ADAMTS17: variants seen among roughly 807,000 people sequenced by gnomAD.
The protein encoded by ADAMTS17 is A disintegrin and metalloproteinase with thrombospondin motifs 17.
Under a neutral mutation model 141.5 loss-of-function variants are expected in ADAMTS17, and 113 were observed. The ratio of observed to expected loss-of-function variants is 0.80; its 90% CI spans 0.69 to 0.93. ADAMTS17 has a LOEUF of 0.93. Ranked by LOEUF, ADAMTS17 falls within the 40% of genes least tolerant of loss-of-function variation. The pLI, the probability that ADAMTS17 is intolerant of heterozygous loss-of-function variation, is 0.00. For synonymous variants in ADAMTS17, 768 were observed against 630.6 expected (o/e 1.22, Z -3.27); for missense variants, 1,659 against 1,517.9 (o/e 1.09, Z -1.54).
chr15:100,249,913 G>C (rs971098621), intron 7 of ADAMTS17, among the ~76,000 whole-genome samples: 2 of 152,200 alleles, frequency 1.3e-5, no homozygotes, highest in African/African-American at 2.4e-5. Flanking sequence ...GTGGGGGTTA[G>C]GCCATAAGGA....
chr15:100,278,453 AGG>A (rs1207336309), intron 4 of ADAMTS17, among the ~76,000 whole-genome samples: 1 of 152,190 alleles, frequency 6.6e-6, no homozygotes, highest in African/African-American at 2.4e-5. Flanking sequence ...ATGCCCACTG[AGG>A]CCACGTCGGA....
At chr15:100,075,687 T>C (rs2034323017) in intron 15 of ADAMTS17, among the ~76,000 whole-genome samples, 1 of 152,260 alleles carries the variant, frequency 6.6e-6, no homozygotes, top group Non-Finnish European at 1.5e-5. Flanking sequence ...TGTACACATA[T>C]CTTTTTTCTG....
intron 8 of ADAMTS17, among the ~76,000 whole-genome samples, chr15:100,160,291 A>T (rs2039631985): frequency 6.6e-6 from 1 of 152,188 alleles, no homozygotes; most frequent in East Asian, 1.9e-4. Flanking sequence ...ATGGAGGATC[A>T]ACACATGAAT....
chr15:100,282,108 C>T (rs28489244), intron 3 of ADAMTS17, among the ~76,000 whole-genome samples: 3 of 152,166 alleles, frequency 2.0e-5, no homozygotes, highest in African/African-American at 7.2e-5. Context: ...AGAGCCCACA[C>T]CTACAGGTCC....
chr15:100,119,814 C>T (rs1466081334), intron 12 of ADAMTS17, among the ~76,000 whole-genome samples: 1 of 152,212 alleles, frequency 6.6e-6, no homozygotes, highest in Non-Finnish European at 1.5e-5. Flanking sequence ...AGCTCACAGG[C>T]CCCGTAATCC....
chr15:100,305,913 G>C (rs1329075274), intron 3 of ADAMTS17: 1 of 152,300 alleles, frequency 6.6e-6, no homozygotes, highest in African/African-American at 2.4e-5. Flanking sequence ...TCAGTTTATT[G>C]CATGTTAATT....
At chr15:100,308,329 A>G (rs957340628) in intron 3 of ADAMTS17, among the ~76,000 whole-genome samples, 3 of 152,200 alleles carry the variant, frequency 2.0e-5, no homozygotes, top group Non-Finnish European at 4.4e-5. Flanking sequence ...CTTGCCACAG[A>G]CAACTGGAAG....
At chr15:100,110,064 T>C (rs999423409) in intron 13 of ADAMTS17, among the ~76,000 whole-genome samples, 1 of 151,690 alleles carries the variant, frequency 6.6e-6, no homozygotes, top group Non-Finnish European at 1.5e-5. Context: ...CATCTTCAGA[T>C]TGAAGTAATG....
chr15:100,084,740 A>C (rs1233955608), intron 15 of ADAMTS17, among the ~76,000 whole-genome samples: 1 of 152,230 alleles, frequency 6.6e-6, no homozygotes, highest in African/African-American at 2.4e-5. Context: ...CAGGGTCTGC[A>C]GTGGAACTCC....
intron 18 of ADAMTS17, among the ~76,000 whole-genome samples, chr15:100,003,721 G>A (rs2060976357): frequency 6.6e-6 from 1 of 152,090 alleles, no homozygotes; most frequent in Non-Finnish European, 1.5e-5. Context: ...TCTGATGCAT[G>A]CTACAACATG....
At chr15:100,084,608 G>C (rs941531887) in intron 15 of ADAMTS17, among the ~76,000 whole-genome samples, 4 of 152,198 alleles carry the variant, frequency 2.6e-5, no homozygotes, top group African/African-American at 9.7e-5. Flanking sequence ...GGGGCGGACT[G>C]ACACCTCACA....
intron 1 of ADAMTS17, 87 bp downstream of exon 1, chr15:100,341,734 C>T: frequency 6.8e-7 from 1 of 1,469,850 alleles, no homozygotes; most frequent in Non-Finnish European, 9.1e-7. Flanking sequence ...CCCGCCGCCG[C>T]CCCCGGGCCG....
chr15:100,245,471 G>T (rs918035687), intron 7 of ADAMTS17, among the ~76,000 whole-genome samples: 2 of 152,236 alleles, frequency 1.3e-5, no homozygotes, highest in Non-Finnish European at 2.9e-5. Context: ...GTTGGTCTCT[G>T]TCTAGTTCCA....
At chr15:100,109,551 G>A (rs2036619894) in intron 13 of ADAMTS17, among the ~76,000 whole-genome samples, 1 of 152,174 alleles carries the variant, frequency 6.6e-6, no homozygotes, top group African/African-American at 2.4e-5. Context: ...GGGTCACCAT[G>A]ACAGTAGCTT....
chr15:100,248,048 T>C (rs1301401745), intron 7 of ADAMTS17, among the ~76,000 whole-genome samples: 1 of 151,960 alleles, frequency 6.6e-6, no homozygotes, highest in Non-Finnish European at 1.5e-5. Context: ...GGGAAAGCCA[T>C]GGGACCCTCA....
At chr15:100,123,823 C>T (rs1056667756) in intron 12 of ADAMTS17, among the ~76,000 whole-genome samples, 1 of 152,218 alleles carries the variant, frequency 6.6e-6, no homozygotes, top group South Asian at 2.1e-4. Context: ...AGGCGCCCTG[C>T]CCCTGCCTCT....
intron 15 of ADAMTS17, among the ~76,000 whole-genome samples, chr15:100,086,839 G>T (rs1451953453): frequency 6.6e-6 from 1 of 151,880 alleles, no homozygotes; most frequent in Non-Finnish European, 1.5e-5. Context: ...CACATTCAAA[G>T]CAGTGTGTAG....
At chr15:100,054,673 C>A (rs906352639) in intron 15 of ADAMTS17, among the ~76,000 whole-genome samples, 7 of 152,208 alleles carry the variant, frequency 4.6e-5, no homozygotes, top group Non-Finnish European at 7.3e-5. Flanking sequence ...GGTGGTCACA[C>A]TTGGCAGCTG....
chr15:100,246,690 G>A (rs971183367), intron 7 of ADAMTS17, among the ~76,000 whole-genome samples: 5 of 151,974 alleles, frequency 3.3e-5, no homozygotes, highest in East Asian at 1.9e-4. Flanking sequence ...ATTTGCCCTC[G>A]TAGGCAATGT....
Sources: gnomAD v4.1 joint callset for allele counts (sites outside exome capture counted in the v4.1 genomes callset) on GRCh38, gnomAD v4.1.1 for gene constraint, MANE v1.5 for transcripts, NCBI Gene and HGNC (gene_info 2026-07-23, HGNC 2026-07-21) for gene names.